SMYD3: variants seen among roughly 807,000 people sequenced by gnomAD.
The protein encoded by SMYD3 is histone-lysine N-methyltransferase SMYD3.
Under a neutral mutation model 57.7 loss-of-function variants are expected in SMYD3, and 36 were observed. That is an observed-to-expected ratio of 0.62 (90% confidence interval 0.48 to 0.82). The LOEUF (loss-of-function observed/expected upper bound fraction) is 0.82. Among genes scored for constraint, SMYD3 ranks in the 40% least tolerant of loss-of-function variants. The probability of loss-of-function intolerance (pLI) is 0.00; values close to 1 mark genes in which losing one functional copy is unlikely to be tolerated. For synonymous variants in SMYD3, 211 were observed against 195.0 expected (o/e 1.08, Z -0.68); for missense variants, 515 against 538.8 (o/e 0.96, Z 0.44).
intron 8 of SMYD3, among the ~76,000 whole-genome samples, chr1:245,886,324 CTT>C (rs1237160580): frequency 1.1e-4 from 17 of 152,016 alleles, no homozygotes; most frequent in African/African-American, 4.1e-4. Context: ...TCTCTCCTTA[CTT>C]ATTAGAGTTC....
chr1:245,776,426 T>C (rs2817488), intron 10 of SMYD3, among the ~76,000 whole-genome samples: 64,100 of 152,034 alleles, frequency 0.42, 17,721 homozygotes, highest in East Asian at 0.88. Flanking sequence ...AAAAATTAAA[T>C]ATGAATAAAA....
At chr1:245,816,889 A>C (rs1208392515) in intron 10 of SMYD3, among the ~76,000 whole-genome samples, 13 of 126,328 alleles carry the variant, frequency 1.0e-4, no homozygotes, top group Non-Finnish European at 2.0e-5. Flanking sequence ...TCTGGCTCGG[A>C]GGGTCCTACC....
At chr1:245,810,398 C>T (rs2048396700) in intron 10 of SMYD3, among the ~76,000 whole-genome samples, 1 of 152,190 alleles carries the variant, frequency 6.6e-6, no homozygotes, top group African/African-American at 2.4e-5. Context: ...TTTCAGAATC[C>T]CCCGCTAATC....
chr1:245,809,198 T>C (rs895104170), intron 10 of SMYD3, among the ~76,000 whole-genome samples: 2 of 152,210 alleles, frequency 1.3e-5, no homozygotes, highest in African/African-American at 2.4e-5. Context: ...TTAGTGATCA[T>C]TTGGTAAATC....
chr1:246,052,704 T>C (rs1258999603), intron 5 of SMYD3: 1 of 152,260 alleles, frequency 6.6e-6, no homozygotes, highest in African/African-American at 2.4e-5. Context: ...ACTAAGAGCA[T>C]GGCCTTTGGA....
At chr1:245,893,101 A>G (rs2053498762) in intron 8 of SMYD3, among the ~76,000 whole-genome samples, 1 of 152,242 alleles carries the variant, frequency 6.6e-6, no homozygotes, top group Non-Finnish European at 1.5e-5. Flanking sequence ...CATGTGGCAC[A>G]CAAACACGTG....
intron 5 of SMYD3, among the ~76,000 whole-genome samples, chr1:245,960,520 G>A (rs1436294808): frequency 1.3e-5 from 2 of 152,142 alleles, no homozygotes; most frequent in African/African-American, 4.8e-5. Context: ...TTAGAAGGCC[G>A]AGGCCAGCCT....
intron 5 of SMYD3, among the ~76,000 whole-genome samples, chr1:246,305,198 A>G (rs12410831): frequency 0.13 from 19,148 of 152,268 alleles, 1,649 homozygotes; most frequent in East Asian, 0.3. Context: ...TTTGAGGAGC[A>G]CAGACCTCAT....
At chr1:245,816,689 G>A (rs191211434) in intron 10 of SMYD3, among the ~76,000 whole-genome samples, 4,612 of 149,982 alleles carry the variant, frequency 0.031, 88 homozygotes, top group Non-Finnish European at 0.047. Context: ...CAGTGGGTGC[G>A]CGCACCGTGC....
intron 5 of SMYD3, among the ~76,000 whole-genome samples, chr1:245,986,775 C>T (rs2058714392): frequency 6.6e-6 from 1 of 152,206 alleles, no homozygotes; most frequent in South Asian, 2.1e-4. Context: ...AGAGAATATG[C>T]TAAGTGCATT....
At chr1:245,947,249 A>T in intron 5 of SMYD3, 1 of 399,326 alleles carries the variant, frequency 2.5e-6, no homozygotes. Flanking sequence ...TGCAAAGATA[A>T]ATCGGCTACA....
intron 1 of SMYD3, among the ~76,000 whole-genome samples, chr1:246,406,256 G>T (rs760376016): frequency 5.9e-5 from 9 of 152,148 alleles, no homozygotes; most frequent in Non-Finnish European, 1.0e-4. Flanking sequence ...CTACCTCATA[G>T]ATTTGTTTAA....
chr1:246,204,638 C>T (rs2062970545), intron 5 of SMYD3, among the ~76,000 whole-genome samples: 1 of 152,200 alleles, frequency 6.6e-6, no homozygotes, highest in Non-Finnish European at 1.5e-5. Context: ...TATACTCTTA[C>T]ATGGCACGAC....
intron 10 of SMYD3, among the ~76,000 whole-genome samples, chr1:245,812,115 T>A (rs1934582): frequency 1.3e-5 from 2 of 151,984 alleles, no homozygotes; most frequent in African/African-American, 4.8e-5. Flanking sequence ...GGGATACGAG[T>A]CTGCAGGCCA....
At chr1:245,813,845 T>C (rs373940843) in intron 10 of SMYD3, among the ~76,000 whole-genome samples, 2 of 141,024 alleles carry the variant, frequency 1.4e-5, no homozygotes, top group African/African-American at 5.5e-5. Flanking sequence ...GTCATTTAGG[T>C]TAATTCATGG....
intron 5 of SMYD3, among the ~76,000 whole-genome samples, chr1:245,979,325 A>G (rs2058538330): frequency 6.6e-6 from 1 of 152,204 alleles, no homozygotes; most frequent in Non-Finnish European, 1.5e-5. Context: ...GTTCCCTCCA[A>G]TAAGATTATG....
At chr1:245,849,769 C>T (rs1427083169) in intron 10 of SMYD3, among the ~76,000 whole-genome samples, 8 of 152,308 alleles carry the variant, frequency 5.3e-5, no homozygotes, top group African/African-American at 1.9e-4. Flanking sequence ...CCTCTCACCT[C>T]ATCCTCCCTG....
At chr1:245,856,990 G>C (rs779064498) in intron 10 of SMYD3, among the ~76,000 whole-genome samples, 31 of 152,180 alleles carry the variant, frequency 2.0e-4, no homozygotes, top group African/African-American at 7.5e-4. Context: ...CAGAGAGGAA[G>C]CCTTATCTCT....
intron 1 of SMYD3, among the ~76,000 whole-genome samples, chr1:246,435,929 G>A (rs184411965): frequency 1.3e-5 from 2 of 152,242 alleles, no homozygotes; most frequent in African/African-American, 2.4e-5. Flanking sequence ...AAGGTTTATC[G>A]AGGGCAGACA....
Sources: allele counts gnomAD v4.1 joint callset (sites outside exome capture counted in the v4.1 genomes callset), GRCh38; gene constraint gnomAD v4.1.1; transcripts MANE v1.5; gene names NCBI Gene and HGNC (gene_info 2026-07-23, HGNC 2026-07-21).